YTHDC1: variants seen among roughly 807,000 people sequenced by gnomAD.
The protein encoded by YTHDC1 is YTH domain-containing protein 1.
In YTHDC1, 12 loss-of-function variants were observed where a neutral mutation model predicts 107.0. That is an observed-to-expected ratio of 0.11 (90% confidence interval 0.07 to 0.18). The LOEUF (loss-of-function observed/expected upper bound fraction) is 0.18, where lower values mean the gene tolerates loss of function less well. Ranked by LOEUF, YTHDC1 falls within the 10% of genes least tolerant of loss-of-function variation. The pLI is 1.00. For synonymous variants in YTHDC1, 280 were observed against 289.5 expected (o/e 0.97, Z 0.33); for missense variants, 635 against 898.8 (o/e 0.71, Z 3.75).
At chr4:68,323,390 G>C (rs1722643494) in intron 10 of YTHDC1, among the ~76,000 whole-genome samples, 1 of 152,042 alleles carries the variant, frequency 6.6e-6, no homozygotes, top group Non-Finnish European at 1.5e-5. Context: ...ATTTGTAATT[G>C]AAAAAGTGAA....
intron 11 of YTHDC1, among the ~76,000 whole-genome samples, chr4:68,320,878 A>C (rs543747662): frequency 1.3e-5 from 2 of 152,040 alleles, no homozygotes; most frequent in Non-Finnish European, 2.9e-5. Flanking sequence ...GAATTAAGGG[A>C]ATTTTTTTTT....
intron 9 of YTHDC1, among the ~76,000 whole-genome samples, chr4:68,324,503 G>C (rs1232139754): frequency 3.3e-5 from 5 of 152,150 alleles, no homozygotes; most frequent in Non-Finnish European, 4.4e-5. Flanking sequence ...CTATTTCTTT[G>C]ATAAACAAGA....
Position 68,349,807 on chromosome 4 carries a change from C to A in YTHDC1, c.-54G>T. On this transcript the variant is annotated 5_prime_UTR_variant, in exon 1 of 17. Transcript: ENST00000344157. ...CCGCCGCCGCCGCTTAGACGCGACT[C>A]GCGCGGGCGCCGCAGCCGCGGCAGA... The A allele has an allele frequency of 6.2e-7, 1 of 1,610,232 alleles. No homozygotes were observed. Among genetic ancestry groups the A allele is most frequent in the Non-Finnish European group, 8.5e-7 (1 of 1,178,252 alleles).
Position 68,313,766 on chromosome 4 carries a change from A to G in YTHDC1, c.*333T>C, listed in dbSNP as rs1487247592. The G allele has an allele frequency of 7.5e-6, 2 of 265,920 alleles. No homozygotes were observed. Among genetic ancestry groups the G allele is most frequent in the Non-Finnish European group, 1.4e-5 (2 of 139,530 alleles). The allele number at this position is 265,920 out of a possible 1,614,324, so 16.5% of individuals were successfully genotyped here. A position where few individuals can be genotyped will look rare whatever the true frequency, so the allele number is the denominator to read the frequency against. On this transcript the variant is annotated 3_prime_UTR_variant, in exon 17 of 17. Transcript: ENST00000344157. ...CATGGCAGTTATCAATCAAGATCCAAAAAGGAAAAAAACAAACAAAAAAAT... is the reference window on the plus strand; with the variant it reads ...CATGGCAGTTATCAATCAAGATCCAGAAAGGAAAAAAACAAACAAAAAAAT...
intron 13 of YTHDC1, 32 bp from the exon 14 acceptor site, chr4:68,318,761 CA>C: frequency 1.9e-6 from 3 of 1,614,052 alleles, no homozygotes; most frequent in Non-Finnish European, 2.5e-6. Context: ...AAACTAAATT[CA>C]GGTAATTCAT....
chr4:68,319,845 T>C (rs1722256309), intron 12 of YTHDC1, among the ~76,000 whole-genome samples: 1 of 152,132 alleles, frequency 6.6e-6, no homozygotes, highest in African/African-American at 2.4e-5. Context: ...CTTTTAACCT[T>C]AAACACATGT....
At chr4:68,329,854 A>C (rs906188928) in intron 9 of YTHDC1, 148 bp downstream of exon 9, 4 of 570,214 alleles carry the variant, frequency 7.0e-6, no homozygotes, top group Non-Finnish European at 1.3e-5. Context: ...TTTAGACTAA[A>C]TACGCCTTTG....
At chr4:68,329,380 T>TA (rs1723335509) in intron 9 of YTHDC1, among the ~76,000 whole-genome samples, 1 of 152,162 alleles carries the variant, frequency 6.6e-6, no homozygotes, top group Admixed American at 6.6e-5. Context: ...AAAAACAACT[T>TA]AAAACTCACA....
Position 68,337,153 on chromosome 4 carries a change from C to T in YTHDC1, c.757G>A (p.Asp253Asn), listed in dbSNP as rs147760035. The T allele has an allele frequency of 6.8e-5, 110 of 1,613,990 alleles. No homozygotes were observed. The highest frequency in any genetic ancestry group is 3.3e-4 in the Middle Eastern group (2 of 6,062). The change falls in exon 4 of 17, where the codon GAT becomes AAT. Residue 253 changes from aspartate (D) to asparagine (N), a missense_variant. By Grantham distance (23) the Asp-to-Asn change is conservative (BLOSUM62 1). Around this residue, in one of 5 missense-constraint regions of YTHDC1, gnomAD observed 294 missense variants for 312.3 expected, o/e 0.94. Transcript: ENST00000344157. ...EEEEEEEYEQ[D>N]ERDQKEEGND... is the part of the protein sequence containing the mutation. ...CCCTCCTCTTTCTGGTCTCTCTCATCCTGTTCATATTCTTCTTCTTCCTCC... is the reference window on the plus strand; with the variant it reads ...CCCTCCTCTTTCTGGTCTCTCTCATTCTGTTCATATTCTTCTTCTTCCTCC...
At chr4:68,338,532 G>A in intron 1 of YTHDC1, 148 bp from the exon 2 acceptor site, 1 of 585,540 alleles carries the variant, frequency 1.7e-6, no homozygotes, top group Non-Finnish European at 2.9e-6. Flanking sequence ...CAAGACACAA[G>A]ATTAATTTCT....
chr4:68,341,035 T>C (rs892833663), intron 1 of YTHDC1, among the ~76,000 whole-genome samples: 1 of 152,106 alleles, frequency 6.6e-6, no homozygotes, highest in African/African-American at 2.4e-5. Flanking sequence ...TTACTACTTT[T>C]TAAAAATACT....
At chr4:68,320,258 A>G in intron 11 of YTHDC1, 53 bp from the exon 12 acceptor site, 1 of 1,344,856 alleles carries the variant, frequency 7.4e-7, no homozygotes, top group East Asian at 2.4e-5. Flanking sequence ...GGGAGAACAA[A>G]GAGTAAAGCA....
intron 16 of YTHDC1, 93 bp from the exon 17 acceptor site, chr4:68,314,416 T>C: frequency 9.3e-7 from 1 of 1,075,536 alleles, no homozygotes; most frequent in Non-Finnish European, 1.3e-6. Flanking sequence ...ATAAACAATT[T>C]TAAAATATAA....
intron 1 of YTHDC1, among the ~76,000 whole-genome samples, chr4:68,346,055 G>A (rs566879755): frequency 3.8e-4 from 55 of 144,660 alleles, no homozygotes; most frequent in African/African-American, 1.4e-3. Context: ...GTGTGCATGT[G>A]TGTGCACATG....
intron 15 of YTHDC1, 146 bp from the exon 16 acceptor site, chr4:68,316,594 T>C: frequency 1.0e-6 from 1 of 954,510 alleles, no homozygotes; most frequent in Non-Finnish European, 1.5e-6. Context: ...TGTTTCAAAA[T>C]ATGCTTTTTG....
At chr4:68,317,168 G>C (rs921904571) in intron 15 of YTHDC1, among the ~76,000 whole-genome samples, 7 of 152,086 alleles carry the variant, frequency 4.6e-5, no homozygotes, top group African/African-American at 1.4e-4. Flanking sequence ...AGGCTGCACA[G>C]AGCTATCATC....
In YTHDC1 at chr4:68,312,267, G is replaced by C. The variant is rs189737593; in HGVS notation, c.*1832C>G. ...AGCCTCTCTGAGCCCATTTAAATGA[G>C]TCTGTATATAAAAGCACAAAGTCTC... On this transcript the variant is annotated 3_prime_UTR_variant, in exon 17 of 17. Transcript: ENST00000344157. The C allele has an allele frequency of 6.6e-6, 1 of 152,258 alleles. No individual in the cohort carries two copies. Among genetic ancestry groups the C allele is most frequent in the African/African-American group, 2.4e-5 (1 of 41,548 alleles). The allele number at this position is 152,258 out of a possible 1,614,324, so 9.4% of individuals were successfully genotyped here.
chr4:68,315,032 A>C (rs1472249949), intron 16 of YTHDC1, among the ~76,000 whole-genome samples: 1 of 152,224 alleles, frequency 6.6e-6, no homozygotes, highest in Admixed American at 6.5e-5. Context: ...AAATCACTAC[A>C]TAAAGATCCA....
rs1458046595 is a variant in YTHDC1, at chr4:68,337,611, A to C, written c.420T>G (p.Pro140=). 1 of 1,612,130 alleles carries C rather than the reference A, an allele frequency of 6.2e-7. No homozygotes were observed. The highest frequency in any genetic ancestry group is 8.5e-7 in the Non-Finnish European group (1 of 1,179,584). ...GCGTAGGAGATTTGGCCCTCCTTTC[A>C]GGATCCCTTTTCCGGACACAGGTTT... ...PEKTCVRKRD[P]ERRAKSPTPD... The change falls in exon 3 of 17, where the codon CCT becomes CCG. Residue 140 remains proline (P), a synonymous_variant. Coordinates refer to ENST00000344157, the MANE Select transcript of YTHDC1 (RefSeq NM_001031732.4).
Sources: allele counts gnomAD v4.1 joint callset (sites outside exome capture counted in the v4.1 genomes callset), GRCh38; gene constraint gnomAD v4.1.1; regional missense constraint gnomAD v4.1.1; transcripts MANE v1.5; gene names NCBI Gene and HGNC (gene_info 2026-07-23, HGNC 2026-07-21).